Variants in RNF114 observed in about 807,000 individuals in gnomAD.
RNF114 encodes the protein E3 ubiquitin-protein ligase RNF114.
RNF114 carries 6 observed loss-of-function variants against 28.4 expected under a neutral mutation model. The ratio of observed to expected loss-of-function variants is 0.21; its 90% CI spans 0.12 to 0.42. The LOEUF (loss-of-function observed/expected upper bound fraction) is 0.42. Ranked by LOEUF, RNF114 falls within the 10% of genes least tolerant of loss-of-function variation. The pLI is 1.00. For missense variants in RNF114, 249 were observed against 311.7 expected (o/e 0.80, Z 1.51); for synonymous variants, 115 against 116.7 (o/e 0.99, Z 0.09).
intron 2 of RNF114, chr20:49,944,019 C>T (rs1328306719): frequency 6.6e-6 from 1 of 151,670 alleles, no homozygotes; most frequent in Non-Finnish European, 1.5e-5. Context: ...TGAGCCATTG[C>T]ACCCGGTCTC....
At position 49,946,162 on chromosome 20, in the gene RNF114, C is replaced by T. The variant is rs763606188; in HGVS notation, c.425C>T (p.Pro142Leu). 1.2e-6 allele frequency: 2 copies of T among 1,609,116 alleles called. No homozygotes were observed. Among genetic ancestry groups the T allele is most frequent in the South Asian group, 1.1e-5 (1 of 90,000 alleles). The part of the protein sequence containing the change: ...PRNVPNRYTF[P>L]CPYCPEKNFD... ...AATGTTCCAAACCGTTACACCTTTC[C>T]TTGTCCTTACTGTCCTGAGAAGAAC... The change falls in exon 4 of 6, where the codon CCT becomes CTT. Residue 142 changes from proline to leucine, a missense_variant. Transcript: ENST00000244061.
At chr20:49,939,691 A>G (rs141655425) in intron 1 of RNF114, among the ~76,000 whole-genome samples, 91 of 151,498 alleles carry the variant, frequency 6.0e-4, no homozygotes, top group African/African-American at 2.1e-3. Flanking sequence ...TCAGACCCTC[A>G]CAATCCTCTG....
intron 4 of RNF114, among the ~76,000 whole-genome samples, chr20:49,947,424 CAG>C (rs1042481095): frequency 6.6e-6 from 1 of 152,030 alleles, no homozygotes; most frequent in Non-Finnish European, 1.5e-5. Flanking sequence ...TTGCTGTAAA[CAG>C]TGGTGCAGAA....
In RNF114 at chr20:49,946,013, A is replaced by C. The variant is rs985027775; in HGVS notation, c.399-123A>C. On this transcript the variant is annotated intron_variant, in intron 3 of 5. Transcript: ENST00000244061. Reference sequence around the variant, plus strand: ...CACTTGACCTGAGTCTGAAGTGATCATCAGCATCCTTATCATTACACATTT... The same window carrying C: ...CACTTGACCTGAGTCTGAAGTGATCCTCAGCATCCTTATCATTACACATTT... 5 of 564,752 alleles carry C rather than the reference A, an allele frequency of 8.9e-6. No individual in the cohort carries two copies. The African/African-American group carries it at 9.6e-5, about 11-fold the overall frequency. The allele number at this position is 564,752 out of a possible 1,614,324, so 35.0% of individuals were successfully genotyped here. A position where few individuals can be genotyped will look rare whatever the true frequency, so the allele number is the denominator to read the frequency against.
rs2090360462 is a variant in RNF114 at position 49,952,831 on chromosome 20, G to C, written c.*690G>C. On this transcript the variant is annotated 3_prime_UTR_variant, in exon 6 of 6. Transcript: ENST00000244061. ...ACATTTTTGGTGGAAGTGTTTCTGG[G>C]TTAGGGAAGTTAAAGTCTGTTTATC... 6.5e-6 allele frequency: 1 copy of C among 152,682 alleles called. No homozygotes were observed. Among genetic ancestry groups the C allele is most frequent in the Non-Finnish European group, 1.5e-5 (1 of 68,076 alleles). 9.5% of individuals were successfully genotyped at this position (152,682 alleles called of 1,614,324 possible).
In RNF114 at chr20:49,952,183, C is replaced by T; in HGVS notation, c.*42C>T. 6.5e-7 allele frequency: 1 copy of T among 1,537,510 alleles called. No homozygotes were observed. The highest frequency in any genetic ancestry group is 9.0e-7 in the Non-Finnish European group (1 of 1,110,016). On this transcript the variant is annotated 3_prime_UTR_variant, in exon 6 of 6. Coordinates refer to ENST00000244061, the MANE Select transcript of RNF114 (RefSeq NM_018683.4). ...CTATCTGTCTCATGTTACAGAGCTT[C>T]CATTACATATTAAACGTGAAATCTA...
At chr20:49,938,058 GA>G (rs2090294458) in intron 1 of RNF114, among the ~76,000 whole-genome samples, 1 of 152,178 alleles carries the variant, frequency 6.6e-6, no homozygotes, top group South Asian at 2.1e-4. Flanking sequence ...GGTAATGGTT[GA>G]ATGAACTAAT....
chr20:49,949,790 G>A (rs927236575), intron 5 of RNF114, among the ~76,000 whole-genome samples: 5 of 152,020 alleles, frequency 3.3e-5, no homozygotes, highest in Admixed American at 3.3e-4. Flanking sequence ...GACTACAGGC[G>A]CATGCCACCA....
At chr20:49,947,861 G>A (rs1253710627) in intron 4 of RNF114, among the ~76,000 whole-genome samples, 9 of 126,836 alleles carry the variant, frequency 7.1e-5, no homozygotes, top group African/African-American at 1.8e-4. Flanking sequence ...GCGCGATCTC[G>A]ACTCACTGCA....
At chr20:49,941,778 C>T in intron 2 of RNF114, 67 bp downstream of exon 2, 1 of 1,547,500 alleles carries the variant, frequency 6.5e-7, no homozygotes. Context: ...CGTACAGCTG[C>T]CATGTTGTTG....
At chr20:49,944,648 A>C (rs2090321885) in intron 2 of RNF114, 1 of 152,234 alleles carries the variant, frequency 6.6e-6, no homozygotes, top group African/African-American at 2.4e-5. Context: ...TGGCAGGCTG[A>C]GGCAGGCAGA....
intron 5 of RNF114, among the ~76,000 whole-genome samples, chr20:49,950,682 C>CAAAAAAAAA: frequency 1.1e-5 from 1 of 90,536 alleles, no homozygotes; most frequent in Non-Finnish European, 2.1e-5. Context: ...GACCCTGTCT[C>CAAAAAAAAA]AAAAAAAAAA....
intron 4 of RNF114, among the ~76,000 whole-genome samples, chr20:49,947,813 GC>G: frequency 1.2e-5 from 1 of 83,788 alleles, no homozygotes; most frequent in African/African-American, 5.6e-5. Flanking sequence ...TTTTTTTGAG[GC>G]GGAGTTTCGC....
intron 1 of RNF114, among the ~76,000 whole-genome samples, chr20:49,939,960 A>G (rs114685558): frequency 0.011 from 1,711 of 149,138 alleles, 32 homozygotes; most frequent in African/African-American, 0.04. Context: ...AGTCTGAAGC[A>G]GGAGAATCGC....
chr20:49,941,643 G>A lies in RNF114; in HGVS notation c.223G>A (p.Val75Ile), dbSNP rs370562414. ...GVCRSALAPG[V>I]RAVELERQIE... ...GTGTCGCAGCGCTCTGGCACCTGGC[G>A]TCCGAGCCGTGGAGCTCGAGCGGCA... Residue 75 changes from valine to isoleucine, a missense_variant, in exon 2 of 6, where the codon GTC (valine) becomes ATC (isoleucine). By Grantham distance (29) the Val-to-Ile change is conservative (BLOSUM62 3). Transcript: ENST00000244061. 12 of 1,612,936 alleles carry A rather than the reference G, an allele frequency of 7.4e-6. No individual in the cohort carries two copies. Among genetic ancestry groups the A allele is most frequent in the Middle Eastern group, 3.3e-4 (2 of 6,058 alleles).
At chr20:49,937,202 T>C (rs939197340) in intron 1 of RNF114, among the ~76,000 whole-genome samples, 1 of 152,186 alleles carries the variant, frequency 6.6e-6, no homozygotes, top group African/African-American at 2.4e-5. Flanking sequence ...AAAGCAGATA[T>C]GTGTATAAAT....
intron 5 of RNF114, among the ~76,000 whole-genome samples, chr20:49,951,603 G>T (rs1030166297): frequency 1.3e-5 from 2 of 152,206 alleles, no homozygotes; most frequent in Non-Finnish European, 2.9e-5. Flanking sequence ...CAGCAGACTG[G>T]GTGCAGTGGC....
intron 5 of RNF114, among the ~76,000 whole-genome samples, chr20:49,949,864 C>T (rs949471920): frequency 5.3e-5 from 8 of 151,740 alleles, no homozygotes; most frequent in Non-Finnish European, 8.8e-5. Context: ...AGGCTGGTCT[C>T]GAACTCCTGA....
chr20:49,944,588 A>G (rs1332080823), intron 2 of RNF114: 4 of 152,160 alleles, frequency 2.6e-5, no homozygotes, highest in African/African-American at 9.7e-5. Context: ...TAGATTTTAT[A>G]TGAAAGGCTG....
Sources: allele counts gnomAD v4.1 joint callset (sites outside exome capture counted in the v4.1 genomes callset), GRCh38; gene constraint gnomAD v4.1.1; transcripts MANE v1.5; gene names NCBI Gene and HGNC (gene_info 2026-07-23, HGNC 2026-07-21).